The following PHYHIP variants were observed in gnomAD, a reference collection of about 807,000 sequenced individuals.
PHYHIP encodes the protein phytanoyl-CoA hydroxylase-interacting protein.
Under a neutral mutation model 26.1 loss-of-function variants are expected in PHYHIP, and 7 were observed. The ratio of observed to expected loss-of-function variants is 0.27; its 90% CI spans 0.15 to 0.50. PHYHIP has a LOEUF of 0.50. Ranked by LOEUF, PHYHIP falls within the 20% of genes least tolerant of loss-of-function variation. PHYHIP has a pLI of 0.98. For missense variants in PHYHIP, 232 were observed against 454.7 expected, an observed-to-expected ratio of 0.51 and a Z score of 4.45; for synonymous variants, 206 against 183.4, an observed-to-expected ratio of 1.12 and a Z score of -1.00.
chr8:22,224,361 C>T lies in PHYHIP; in HGVS notation c.341-18G>A, dbSNP rs376437730. ...GGCATAATCTGCAAGATCCCAGATGCGGTAGGTGAGCCGAGGGCCAGCTGA... is the reference window on the plus strand; with the variant it reads ...GGCATAATCTGCAAGATCCCAGATGTGGTAGGTGAGCCGAGGGCCAGCTGA... On this transcript the variant is annotated intron_variant, in intron 3 of 4. Coordinates refer to ENST00000454243, the MANE Select transcript of PHYHIP (RefSeq NM_014759.5). 38 of 1,469,734 alleles carry T rather than the reference C, an allele frequency of 2.6e-5. No homozygotes were observed. The highest frequency in any genetic ancestry group is 1.7e-4 in the Middle Eastern group (1 of 5,808). The allele number at this position is 1,469,734 out of a possible 1,614,324, so 91.0% of individuals were successfully genotyped here.
rs1829580464 is a variant in PHYHIP, at chr8:22,219,964, C to T, written c.*1389G>A. 2 of 152,436 alleles carry T rather than the reference C, an allele frequency of 1.3e-5. No homozygotes were observed. The highest frequency in any genetic ancestry group is 1.3e-4 in the Admixed American group (2 of 15,290). 9.4% of individuals were successfully genotyped at this position (152,436 alleles called of 1,614,324 possible). On this transcript the variant is annotated 3_prime_UTR_variant, in exon 5 of 5. Transcript: ENST00000454243. ...CTGGCCACACAACTGCCCCTGGCTACAGATAGGTGACCGTTGTCCACCTGT... is the reference window on the plus strand; with the variant it reads ...CTGGCCACACAACTGCCCCTGGCTATAGATAGGTGACCGTTGTCCACCTGT...
chr8:22,224,296 T>C lies in PHYHIP; in HGVS notation c.388A>G (p.Ile130Val), dbSNP rs1448635302. 6.2e-7 allele frequency: 1 copy of C among 1,612,786 alleles called. No individual in the cohort carries two copies. The highest frequency in any genetic ancestry group is 1.7e-5 in the Admixed American group (1 of 60,030). ...LAQLQEKAEQ[I>V]AGRMLRFSVF... is the part of the protein sequence containing the mutation. The stretch of plus-strand genomic sequence containing the variant: ...GAGAAGCGGAGCATGCGGCCTGCGA[T>C]CTGCTCAGCTTTCTCCTGAAGCTGA... Residue 130 changes from isoleucine to valine, a missense_variant, in exon 4 of 5, where the codon ATC becomes GTC. By Grantham distance (29) the Ile-to-Val change is conservative. Transcript: ENST00000454243.
chr8:22,228,110 G>T (rs1829788005), intron 2 of PHYHIP, 83 bp downstream of exon 2: 2 of 1,157,046 alleles, frequency 1.7e-6, no homozygotes, highest in Non-Finnish European at 2.6e-6. Flanking sequence ...CTGACTCCAA[G>T]CCATCACTTC....
intron 1 of PHYHIP, among the ~76,000 whole-genome samples, chr8:22,229,892 C>A (rs1829832960): frequency 6.6e-6 from 1 of 152,128 alleles, no homozygotes. Context: ...GCCTGGATGG[C>A]AAGTACAGGG....
At position 22,221,658 on chromosome 8, in the gene PHYHIP, T is replaced by C; in HGVS notation, c.688A>G (p.Thr230Ala). 6.2e-7 allele frequency: 1 copy of C among 1,612,996 alleles called. No individual in the cohort carries two copies. Among genetic ancestry groups the C allele is most frequent in the Non-Finnish European group, 8.5e-7 (1 of 1,179,628 alleles). ...LYFADFYCMY[T>A]AYHYAILVLA... ...ACCAGGATGGCGTAGTGGTAGGCCG[T>C]GTACATGCAGTAGAAGTCCGCAAAG... Residue 230 changes from threonine to alanine, a missense_variant, in exon 5 of 5, where the codon ACG becomes GCG. Thr to Ala is a moderately conservative substitution (Grantham distance 58). Coordinates refer to ENST00000454243, the MANE Select transcript of PHYHIP (RefSeq NM_014759.5). The surrounding 1 kb of genome is among the most constrained non-coding windows in gnomAD (Gnocchi z 7.9).
chr8:22,226,850 C>A lies in PHYHIP; in HGVS notation c.340+1G>T. On this transcript the variant is annotated splice_donor_variant, in intron 3 of 4. Transcript: ENST00000454243. LOFTEE classifies it high-confidence loss of function. ...ACAGGGGTGTGATAGCAGGGCCTCACCCCCAGTGCAGAACTCCACCGTCTC... is the reference window on the plus strand; with the variant it reads ...ACAGGGGTGTGATAGCAGGGCCTCAACCCCAGTGCAGAACTCCACCGTCTC... The A allele has an allele frequency of 6.2e-7, 1 of 1,610,752 alleles. No homozygotes were observed. The highest frequency in any genetic ancestry group is 8.5e-7 in the Non-Finnish European group (1 of 1,178,164).
At chr8:22,226,593 T>A (rs552418662) in intron 3 of PHYHIP, among the ~76,000 whole-genome samples, 1 of 152,252 alleles carries the variant, frequency 6.6e-6, no homozygotes, top group South Asian at 2.1e-4. Flanking sequence ...GAAAAGTAAC[T>A]CCCTTTCTTA....
Position 22,221,316 on chromosome 8 carries a change from C to A in PHYHIP, c.*37G>T. On this transcript the variant is annotated 3_prime_UTR_variant, in exon 5 of 5. Transcript: ENST00000454243. The surrounding 1 kb of genome is among the most constrained non-coding windows in gnomAD (Gnocchi z 7.9). ...CTGGGCTACCCACCTCCACCTTCCG[C>A]TCATCTCTCCCTCGCCCCCCAGCTC... 1 of 1,523,800 alleles carries A rather than the reference C, an allele frequency of 6.6e-7. No homozygotes were observed. Among genetic ancestry groups the A allele is most frequent in the Non-Finnish European group, 8.8e-7 (1 of 1,134,818 alleles). 94.4% of individuals were successfully genotyped at this position (1,523,800 alleles called of 1,614,324 possible). A position where few individuals can be genotyped will look rare whatever the true frequency, so the allele number is the denominator to read the frequency against.
chr8:22,223,360 C>CA (rs750178076), intron 4 of PHYHIP, among the ~76,000 whole-genome samples: 1,573 of 61,382 alleles, frequency 0.026, 42 homozygotes, highest in East Asian at 0.051. Flanking sequence ...GACGCCATCT[C>CA]AAAAAAAAAA....
chr8:22,231,181 C>T (rs1255916583), intron 1 of PHYHIP, among the ~76,000 whole-genome samples: 1 of 152,184 alleles, frequency 6.6e-6, no homozygotes, highest in Non-Finnish European at 1.5e-5. Flanking sequence ...CCACTCCATC[C>T]TGCTCTGGGT....
At chr8:22,227,288 G>A (rs991160177) in intron 2 of PHYHIP, among the ~76,000 whole-genome samples, 1 of 152,192 alleles carries the variant, frequency 6.6e-6, no homozygotes, top group Non-Finnish European at 1.5e-5. Flanking sequence ...GTTGAGGACG[G>A]CAAGGCCTTC....
chr8:22,231,000 C>T (rs1440247722), intron 1 of PHYHIP, among the ~76,000 whole-genome samples: 2 of 152,202 alleles, frequency 1.3e-5, no homozygotes, highest in African/African-American at 4.8e-5. Flanking sequence ...CAGCAGCCCC[C>T]GCCCGAAGTC....
Position 22,221,293 on chromosome 8 carries a change from G to C in PHYHIP, c.*60C>G. 1 of 1,468,780 alleles carries C rather than the reference G, an allele frequency of 6.8e-7. No homozygotes were observed. The highest frequency in any genetic ancestry group is 1.3e-5 in the South Asian group (1 of 74,388). The allele number at this position is 1,468,780 out of a possible 1,614,324, so 91.0% of individuals were successfully genotyped here. Reference sequence around the variant, plus strand: ...GAGAGAAAGCCAGCTCCCTGAACCTGGGCTACCCACCTCCACCTTCCGCTC... The same window carrying C: ...GAGAGAAAGCCAGCTCCCTGAACCTCGGCTACCCACCTCCACCTTCCGCTC... On this transcript the variant is annotated 3_prime_UTR_variant, in exon 5 of 5. Transcript: ENST00000454243. This position sits in a 1 kb window ranked among gnomAD's most constrained non-coding sequence, Gnocchi z 7.9.
Position 22,221,970 on chromosome 8 carries a change from C to CG in PHYHIP, c.459-84dup, listed in dbSNP as rs1829639945. 1 of 1,263,062 alleles carries CG rather than the reference C, an allele frequency of 7.9e-7. No homozygotes were observed. 78.2% of individuals were successfully genotyped at this position (1,263,062 alleles called of 1,614,324 possible). A position where few individuals can be genotyped will look rare whatever the true frequency, so the allele number is the denominator to read the frequency against. On this transcript the variant is annotated intron_variant, in intron 4 of 4. Coordinates refer to ENST00000454243, the MANE Select transcript of PHYHIP (RefSeq NM_014759.5). The surrounding 1 kb of genome is among the most constrained non-coding windows in gnomAD (Gnocchi z 7.9). ...CTGAGGCTTGGCTGCTGCGTGTGGT[C>CG]GAGGAGGGAGGAAGCCAGCCCAGCT...
chr8:22,230,768 A>C (rs1042067472), intron 1 of PHYHIP, among the ~76,000 whole-genome samples: 1 of 152,076 alleles, frequency 6.6e-6, no homozygotes, highest in Non-Finnish European at 1.5e-5. Flanking sequence ...TCCACATTCT[A>C]AGAATGCCCC....
chr8:22,230,405 T>A (rs1288418376), intron 1 of PHYHIP, among the ~76,000 whole-genome samples: 2 of 151,902 alleles, frequency 1.3e-5, no homozygotes, highest in Admixed American at 6.6e-5. Context: ...TGTCTGCTTG[T>A]CCCTCCCTCC....
chr8:22,224,054 C>T (rs1040921383), intron 4 of PHYHIP, 172 bp downstream of exon 4: 1 of 604,266 alleles, frequency 1.7e-6, no homozygotes, highest in African/African-American at 1.8e-5. Flanking sequence ...AGCCCAATCC[C>T]CAAAGTAGCA....
chr8:22,221,758 C>A lies in PHYHIP; in HGVS notation c.588G>T (p.Pro196=). The A allele has an allele frequency of 6.2e-7, 1 of 1,612,900 alleles. No homozygotes were observed. The highest frequency in any genetic ancestry group is 8.5e-7 in the Non-Finnish European group (1 of 1,179,694). ...CNTEFNTGQP[P]QDSPYGRWRF... is the part of the protein sequence containing the mutation. ...GCCAGCGGCCGTAGGGGGAGTCCTG[C>A]GGGGGCTGGCCCGTGTTGAACTCCG... is the stretch of plus-strand genomic sequence containing the variant. The change falls in exon 5 of 5, where the codon CCG becomes CCT. Residue 196 remains proline, a synonymous_variant. Transcript: ENST00000454243. This position sits in a 1 kb window ranked among gnomAD's most constrained non-coding sequence, Gnocchi z 7.9.
rs779341697 is a variant in PHYHIP, at chr8:22,221,857, G to A, written c.489C>T (p.Tyr163=). The A allele has an allele frequency of 7.7e-6, 12 of 1,554,492 alleles. No individual in the cohort carries two copies. In the Admixed American group the frequency reaches 9.6e-5, roughly 12 times the overall value. The part of the protein sequence containing the change: ...RTHCGNMLQP[Y]LKDNSGSHGS... ...CGTGGCTGCCACTGTTGTCCTTCAG[G>A]TAAGGCTGCAGCATGTTCCCGCAGT... The change falls in exon 5 of 5, where the codon TAC becomes TAT. Residue 163 remains tyrosine, a synonymous_variant. Coordinates refer to ENST00000454243, the MANE Select transcript of PHYHIP (RefSeq NM_014759.5). The surrounding 1 kb of genome is among the most constrained non-coding windows in gnomAD (Gnocchi z 7.9).
Sources: allele counts gnomAD v4.1 joint callset (sites outside exome capture counted in the v4.1 genomes callset), GRCh38; gene constraint gnomAD v4.1.1; non-coding constraint Gnocchi (gnomAD v3.1); transcripts MANE v1.5; gene names NCBI Gene and HGNC (gene_info 2026-07-23, HGNC 2026-07-21).